Variants in CFAP126 observed in about 807,000 individuals in gnomAD.
The protein encoded by CFAP126 is cilia and flagella associated protein 126.
Under a neutral mutation model 17.1 loss-of-function variants are expected in CFAP126, and 21 were observed. The observed-to-expected ratio is 1.23, with a 90% CI of 0.87 to 1.77. CFAP126 has a LOEUF of 1.77. CFAP126 is among the 40% of genes most tolerant of loss of function. The probability of loss-of-function intolerance (pLI) is 0.00; values close to 1 mark genes in which losing one functional copy is unlikely to be tolerated. For synonymous variants in CFAP126, 65 were observed against 73.5 expected, an observed-to-expected ratio of 0.88 and a Z score of 0.59; for missense variants, 174 against 215.4, an observed-to-expected ratio of 0.81 and a Z score of 1.20.
Position 161,365,135 on chromosome 1 carries a change from T to C in CFAP126, c.364A>G (p.Ser122Gly), listed in dbSNP as rs1208137971. The change falls in exon 5 of 5, where the codon AGT (serine) becomes GGT (glycine). Residue 122 changes from serine to glycine, a missense_variant. Coordinates refer to ENST00000367974, the MANE Select transcript of CFAP126 (RefSeq NM_001013625.4). ...EILGKPHDPD[S>G]QKKLRKKSIT... Reference sequence around the variant, plus strand: ...GACTTCTTTCTGAGTTTCTTCTGACTGTCTGGATCATGGGGCTGTCAGTGA... The same window carrying C: ...GACTTCTTTCTGAGTTTCTTCTGACCGTCTGGATCATGGGGCTGTCAGTGA... 1 of 1,614,146 alleles carries C rather than the reference T, an allele frequency of 6.2e-7. No homozygotes were observed. Among genetic ancestry groups the C allele is most frequent in the Non-Finnish European group, 8.5e-7 (1 of 1,179,970 alleles).
intron 3 of CFAP126, 43 bp from the exon 4 acceptor site, chr1:161,365,745 A>G: frequency 6.7e-7 from 1 of 1,493,382 alleles, no homozygotes; most frequent in South Asian, 1.3e-5. Flanking sequence ...TCTCACTCCC[A>G]GTAACTGACT....
intron 1 of CFAP126, 110 bp downstream of exon 1, chr1:161,367,732 C>G: frequency 1.9e-6 from 2 of 1,037,998 alleles, no homozygotes; most frequent in South Asian, 2.6e-5. Context: ...TTATCTCACT[C>G]CACTCTCAGC....
chr1:161,367,700 C>T (rs886848590), intron 1 of CFAP126, 142 bp downstream of exon 1: 1 of 804,126 alleles, frequency 1.2e-6, no homozygotes. Context: ...TGGGCTCTCT[C>T]TATCCCTGAG....
chr1:161,365,187 C>G, intron 4 of CFAP126, 37 bp from the exon 5 acceptor site: 1 of 1,596,460 alleles, frequency 6.3e-7, no homozygotes, highest in East Asian at 2.2e-5. Flanking sequence ...AGTCATGTCT[C>G]TGGTCAGGCC....
rs1299268980 is a variant in CFAP126 at position 161,367,783 on chromosome 1, C to T, written c.27+59G>A. 6 of 1,484,782 alleles carry T rather than the reference C, an allele frequency of 4.0e-6. No individual in the cohort carries two copies. The African/African-American group carries it at 7.0e-5, about 17-fold the overall frequency. 92.0% of individuals were successfully genotyped at this position (1,484,782 alleles called of 1,614,324 possible). ...CAGAATCCTATGAGAGGGGACAGTC[C>T]AAAGATAGAATCTGAAAAACAAAAG... On this transcript the variant is annotated intron_variant, in intron 1 of 4. Coordinates refer to ENST00000367974, the MANE Select transcript of CFAP126 (RefSeq NM_001013625.4).
At chr1:161,366,730 G>A in intron 1 of CFAP126, 1 of 545,390 alleles carries the variant, frequency 1.8e-6, no homozygotes, top group Non-Finnish European at 3.2e-6. Flanking sequence ...AGTTCAAATT[G>A]AGGTGCTTTG....
rs182518860 is a variant in CFAP126, at chr1:161,366,412, C to T, written c.90+27G>A. On this transcript the variant is annotated intron_variant, in intron 2 of 4. Coordinates refer to ENST00000367974, the MANE Select transcript of CFAP126 (RefSeq NM_001013625.4). ...ATTGACAGGGAGAGCATGAGGCTAT[C>T]TTGTAGGTGCACTGAACATGGAATA... is the stretch of plus-strand genomic sequence containing the variant. 9 of 1,606,780 alleles carry T rather than the reference C, an allele frequency of 5.6e-6. No homozygotes were observed. In the Admixed American group the frequency reaches 1.3e-4, roughly 24 times the overall value.
chr1:161,366,681 G>T, intron 1 of CFAP126, 180 bp from the exon 2 acceptor site: 1 of 620,120 alleles, frequency 1.6e-6, no homozygotes. Flanking sequence ...GCATGGAGCC[G>T]GGAGCCACAT....
chr1:161,367,799 A>G (rs1257170369), intron 1 of CFAP126, 43 bp downstream of exon 1: 4 of 1,580,668 alleles, frequency 2.5e-6, no homozygotes, highest in East Asian at 2.2e-5. Context: ...TAGAATCTGA[A>G]AAACAAAAGT....
At chr1:161,366,314 G>T (rs776365873) in intron 2 of CFAP126, 36 bp from the exon 3 acceptor site, 1 of 1,584,352 alleles carries the variant, frequency 6.3e-7, no homozygotes, top group African/African-American at 1.3e-5. Context: ...GGTTTGTGAG[G>T]GGAAAAAGGG....
chr1:161,365,246 A>G, intron 4 of CFAP126, 96 bp from the exon 5 acceptor site: 4 of 1,233,938 alleles, frequency 3.2e-6, no homozygotes, highest in Non-Finnish European at 4.6e-6. Flanking sequence ...TTCTCCCCAT[A>G]CCATGGGCAG....
intron 3 of CFAP126, 127 bp downstream of exon 3, chr1:161,366,071 C>T: frequency 1.2e-6 from 1 of 833,936 alleles, no homozygotes; most frequent in South Asian, 1.5e-5. Flanking sequence ...TTCAGGGGCT[C>T]TCACATTACA....
intron 1 of CFAP126, chr1:161,366,758 G>T: frequency 2.0e-6 from 1 of 492,206 alleles, no homozygotes; most frequent in East Asian, 3.3e-5. Flanking sequence ...GAAATATGCT[G>T]AATTTTTAAG....
rs755529423 is a variant in CFAP126, at chr1:161,365,546, A to T, written c.328T>A (p.Cys110Ser). The change falls in exon 4 of 5, where the codon TGT becomes AGT. Residue 110 changes from cysteine (C) to serine (S), a missense_variant. Physicochemically the swap from Cys to Ser is moderately radical, Grantham distance 112 (BLOSUM62 -1). Coordinates refer to ENST00000367974, the MANE Select transcript of CFAP126 (RefSeq NM_001013625.4). Reference sequence around the variant, plus strand: ...GATACCTTGCCTAAGATTTCAGGACACAGCCCATTGGAGGCCTTGAGTAAA... The same window carrying T: ...GATACCTTGCCTAAGATTTCAGGACTCAGCCCATTGGAGGCCTTGAGTAAA... ...PDLLKASNGL[C>S]PEILGKPHDP... The T allele has an allele frequency of 5.0e-6, 8 of 1,614,192 alleles. No individual in the cohort carries two copies. The highest frequency in any genetic ancestry group is 1.7e-5 in the Admixed American group (1 of 60,028).
At chr1:161,366,304 G>T (rs1260929341) in intron 2 of CFAP126, 26 bp from the exon 3 acceptor site, 1 of 1,594,654 alleles carries the variant, frequency 6.3e-7, no homozygotes. Context: ...GAGAGATAAA[G>T]GTTTGTGAGG....
At chr1:161,366,924 C>A in intron 1 of CFAP126, 1 of 183,960 alleles carries the variant, frequency 5.4e-6, no homozygotes, top group Non-Finnish European at 1.2e-5. Flanking sequence ...CAGGTGCATG[C>A]CACCATGTCC....
At chr1:161,365,325 G>C (rs1672690189) in intron 4 of CFAP126, 175 bp from the exon 5 acceptor site, 1 of 902,364 alleles carries the variant, frequency 1.1e-6, no homozygotes, top group African/African-American at 1.7e-5. Flanking sequence ...CTTGAGATTA[G>C]ATCATTTTCT....
At position 161,366,236 on chromosome 1, in the gene CFAP126, C is replaced by T. The variant is rs888512098; in HGVS notation, c.133G>A (p.Asp45Asn). The change falls in exon 3 of 5, where the codon GAT becomes AAT. Residue 45 changes from aspartate to asparagine, a missense_variant. Coordinates refer to ENST00000367974, the MANE Select transcript of CFAP126 (RefSeq NM_001013625.4). Reference protein sequence around the residue: ...HEGYTQIIANDRGHLLPSVPR... With the variant: ...HEGYTQIIANNRGHLLPSVPR... ...ACAGAAGGCAGTAGATGACCACGAT[C>T]GTTGGCAATAATTTGAGTGTAGCCT... 3.7e-6 allele frequency: 6 copies of T among 1,613,722 alleles called. No homozygotes were observed. In the African/African-American group the frequency reaches 5.3e-5, roughly 14 times the overall value.
chr1:161,367,577 A>T lies in CFAP126; in HGVS notation c.27+265T>A, dbSNP rs114482063. 2.2e-3 allele frequency: 876 copies of T among 392,556 alleles called. 3 individuals are homozygous for T. The highest frequency in any genetic ancestry group is 2.3e-3 in the Non-Finnish European group (515 of 221,938). The allele number at this position is 392,556 out of a possible 1,614,324, so 24.3% of individuals were successfully genotyped here. The stretch of plus-strand genomic sequence containing the variant: ...GCTACAGAATATTTTTGACTTTGCC[A>T]CTTGGCCTGCAAAGCCTAAAATTTT... On this transcript the variant is annotated intron_variant, in intron 1 of 4. Transcript: ENST00000367974.
Sources: allele counts gnomAD v4.1 joint callset, GRCh38; gene constraint gnomAD v4.1.1; transcripts MANE v1.5; gene names NCBI Gene and HGNC (gene_info 2026-07-23, HGNC 2026-07-21).